The following C8A variants were observed in gnomAD, a reference collection of about 807,000 sequenced individuals.
The protein encoded by C8A is complement C8 alpha chain.
C8A carries 67 observed loss-of-function variants against 65.3 expected under a neutral mutation model. The ratio of observed to expected loss-of-function variants is 1.03; its 90% CI spans 0.84 to 1.26. The LOEUF is 1.26. Among genes scored for constraint, C8A ranks in the 50% most tolerant of loss-of-function variants. The probability of loss-of-function intolerance (pLI) is 0.00; values close to 1 mark genes in which losing one functional copy is unlikely to be tolerated. For missense variants in C8A, 781 were observed against 723.9 expected (o/e 1.08, Z -0.90); for synonymous variants, 290 against 259.4 (o/e 1.12, Z -1.13).
At chr1:56,917,483 C>A in intron 10 of C8A, 82 bp from the exon 11 acceptor site, 3 of 1,467,358 alleles carry the variant, frequency 2.0e-6, no homozygotes, top group African/African-American at 1.4e-5. Flanking sequence ...GTGCCACACA[C>A]CCCTCCCTGT....
intron 1 of C8A, among the ~76,000 whole-genome samples, chr1:56,861,498 G>T (rs116421176): frequency 0.012 from 1,858 of 152,204 alleles, 15 homozygotes; most frequent in Non-Finnish European, 0.021. Flanking sequence ...AGCCTTTCCT[G>T]AGGGATCTGC....
At chr1:56,878,314 A>G (rs1230495260) in intron 4 of C8A, among the ~76,000 whole-genome samples, 2 of 152,194 alleles carry the variant, frequency 1.3e-5, no homozygotes, top group Non-Finnish European at 2.9e-5. Context: ...TGTTGGGGAC[A>G]TGTAATCCAG....
At chr1:56,859,869 C>T (rs1644013667) in intron 1 of C8A, among the ~76,000 whole-genome samples, 1 of 152,138 alleles carries the variant, frequency 6.6e-6, no homozygotes. Context: ...CGAGACCATC[C>T]TGACCAACAT....
intron 2 of C8A, among the ~76,000 whole-genome samples, chr1:56,868,143 CA>C (rs1644109549): frequency 1.3e-5 from 2 of 151,810 alleles, no homozygotes; most frequent in Non-Finnish European, 2.9e-5. Context: ...CCAACACACC[CA>C]ATGAAGAGAG....
At chr1:56,881,130 T>C (rs919085820) in intron 4 of C8A, among the ~76,000 whole-genome samples, 2 of 152,184 alleles carry the variant, frequency 1.3e-5, no homozygotes, top group African/African-American at 4.8e-5. Flanking sequence ...AAGTGGCCCA[T>C]AAGCTTCTTG....
intron 8 of C8A, among the ~76,000 whole-genome samples, 166 bp from the exon 9 acceptor site, chr1:56,907,790 C>G (rs1424164201): frequency 6.6e-6 from 1 of 152,114 alleles, no homozygotes; most frequent in Non-Finnish European, 1.5e-5. Context: ...GAGTCTTGGT[C>G]CTTCCCTTCT....
chr1:56,876,164 G>T lies in C8A; in HGVS notation c.419G>T (p.Cys140Phe). Residue 140 changes from cysteine (C) to phenylalanine (F), a missense_variant, in exon 4 of 11, where the codon TGC (cysteine) becomes TTC (phenylalanine). Transcript: ENST00000361249. ...CEDVRAIDED[C>F]SQYEPIPGSQ... ...GATGTCAGGGCCATTGACGAAGACT[G>T]CAGCCAGTATGAACCAATTCCAGGA... is the stretch of plus-strand genomic sequence containing the variant. 1.2e-6 allele frequency: 2 copies of T among 1,613,940 alleles called. No individual in the cohort carries two copies. The highest frequency in any genetic ancestry group is 1.7e-6 in the Non-Finnish European group (2 of 1,179,874).
intron 7 of C8A, among the ~76,000 whole-genome samples, chr1:56,902,096 C>A (rs1287863104): frequency 1.3e-5 from 2 of 152,106 alleles, no homozygotes; most frequent in Non-Finnish European, 2.9e-5. Flanking sequence ...TCTTTTCTAC[C>A]CTTCAAACCC....
chr1:56,899,354 TC>T (rs1335024807), intron 7 of C8A, among the ~76,000 whole-genome samples: 2 of 152,182 alleles, frequency 1.3e-5, no homozygotes, highest in Non-Finnish European at 2.9e-5. Flanking sequence ...CAGAACGTGG[TC>T]TTTGGACACA....
At chr1:56,895,496 G>A (rs532175066) in intron 7 of C8A, among the ~76,000 whole-genome samples, 1 of 152,210 alleles carries the variant, frequency 6.6e-6, no homozygotes, top group East Asian at 1.9e-4. Flanking sequence ...ATGTCTCAAG[G>A]ATGCCTTAAC....
At chr1:56,911,350 G>A (rs1389566670) in intron 9 of C8A, among the ~76,000 whole-genome samples, 1 of 152,160 alleles carries the variant, frequency 6.6e-6, no homozygotes, top group African/African-American at 2.4e-5. Flanking sequence ...TAATCCTGGA[G>A]GGTGTGATGA....
intron 1 of C8A, among the ~76,000 whole-genome samples, chr1:56,863,965 T>A (rs1012535612): frequency 6.6e-6 from 1 of 151,118 alleles, no homozygotes; most frequent in Non-Finnish European, 1.5e-5. Context: ...AAATATTTAC[T>A]GAGCACTTTC....
At chr1:56,908,330 C>G (rs532363174) in intron 9 of C8A, among the ~76,000 whole-genome samples, 1 of 152,286 alleles carries the variant, frequency 6.6e-6, no homozygotes, top group African/African-American at 2.4e-5. Context: ...ATGATCTAGT[C>G]AGTGCCTAGT....
At chr1:56,876,556 G>A (rs1289046181) in intron 4 of C8A, among the ~76,000 whole-genome samples, 1 of 151,944 alleles carries the variant, frequency 6.6e-6, no homozygotes, top group East Asian at 1.9e-4. Context: ...GATCTAAGCC[G>A]TTGCCTTTCC....
intron 9 of C8A, among the ~76,000 whole-genome samples, chr1:56,909,054 A>G (rs991802112): frequency 7.9e-5 from 12 of 152,232 alleles, no homozygotes; most frequent in Admixed American, 1.3e-4. Context: ...ACAGCAAAGA[A>G]ATATCTGGCC....
At chr1:56,905,280 C>A (rs187090846) in intron 7 of C8A, among the ~76,000 whole-genome samples, 1 of 152,234 alleles carries the variant, frequency 6.6e-6, no homozygotes, top group East Asian at 1.9e-4. Flanking sequence ...TTGGAGATGA[C>A]AACCTCTTCT....
At position 56,916,725 on chromosome 1, in the gene C8A, GA is replaced by G. The variant is rs1404114471; in HGVS notation, c.1604-833del. Among the ~76,000 whole-genome samples the G allele has an allele frequency of 4.6e-5, 7 of 152,074 alleles. No homozygotes were observed. The East Asian group carries it at 1.4e-3, about 29-fold the overall frequency. ...CATTTAGGAAAAATGAAATTGTGAT[GA>G]AAAAAATAAACATTGAAAAAAACCA... is the stretch of plus-strand genomic sequence containing the variant. On this transcript the variant is annotated intron_variant, in intron 10 of 10. Transcript: ENST00000361249.
At chr1:56,909,975 G>A (rs1557715863) in intron 9 of C8A, among the ~76,000 whole-genome samples, 1 of 152,190 alleles carries the variant, frequency 6.6e-6, no homozygotes, top group Non-Finnish European at 1.5e-5. Flanking sequence ...CGGACTCAAT[G>A]CATTAAGCCA....
chr1:56,906,726 G>A lies in C8A; in HGVS notation c.1156G>A (p.Asp386Asn), dbSNP rs1161499080. 3.1e-5 allele frequency: 50 copies of A among 1,613,934 alleles called. No homozygotes were observed. Among genetic ancestry groups the A allele is most frequent in the Non-Finnish European group, 4.2e-5 (49 of 1,179,954 alleles). The stretch of plus-strand genomic sequence containing the variant: ...AGGCTCCTTGGGCATTCAATATGAA[G>A]ACAAAATAAATGTTGGTGGAGGTTT... ...FGGSLGIQYE[D>N]KINVGGGLSG... The change falls in exon 8 of 11, where the codon GAC becomes AAC. Residue 386 changes from aspartate to asparagine, a missense_variant. Coordinates refer to ENST00000361249, the MANE Select transcript of C8A (RefSeq NM_000562.3).
Sources: gnomAD v4.1 joint callset for allele counts (sites outside exome capture counted in the v4.1 genomes callset) on GRCh38, gnomAD v4.1.1 for gene constraint, MANE v1.5 for transcripts, NCBI Gene and HGNC (gene_info 2026-07-23, HGNC 2026-07-21) for gene names.